MICAL3: variants seen among roughly 807,000 people sequenced by gnomAD.
The protein encoded by MICAL3 is microtubule associated monooxygenase, calponin and LIM domain containing 3.
A neutral mutation model predicts 207.4 loss-of-function variants in MICAL3; 62 were observed. The observed-to-expected ratio is 0.30, with a 90% confidence interval of 0.24 to 0.37. MICAL3 has a LOEUF of 0.37. MICAL3 is among the 10% of genes least tolerant of loss of function. The pLI is 1.00. For missense variants in MICAL3, 2,368 were observed against 2,635.6 expected, an observed-to-expected ratio of 0.90 and a Z score of 2.22; for synonymous variants, 1,077 against 1,069.3, an observed-to-expected ratio of 1.01 and a Z score of -0.14.
intron 1 of MICAL3, among the ~76,000 whole-genome samples, chr22:17,908,890 A>G (rs976886904): frequency 6.6e-6 from 1 of 152,186 alleles, no homozygotes; most frequent in South Asian, 2.1e-4. Context: ...GAAGACAGGC[A>G]CCATGTTCCA....
intron 29 of MICAL3, among the ~76,000 whole-genome samples, chr22:17,799,037 G>C (rs1483102740): frequency 1.3e-5 from 2 of 152,130 alleles, no homozygotes; most frequent in African/African-American, 2.4e-5. Flanking sequence ...CCTTTTCCTG[G>C]GAAACACAAG....
rs1423684484 is a variant in MICAL3, at chr22:17,821,476, G to T, written c.3482C>A (p.Pro1161His). Reference protein sequence around the residue: ...PSQATSPIRSPQESALLFIPV... With the variant: ...PSQATSPIRSHQESALLFIPV... ...AATGAACAGAAGAGCTGATTCCTGG[G>T]GAGACCGGATGGGGCTGGTGGCTTG... Residue 1161 changes from proline (P) to histidine (H), a missense_variant, in exon 25 of 32, where the codon CCC becomes CAC. By Grantham distance (77) the Pro-to-His change is moderately conservative. This residue lies in a region of MICAL3 where 1,770 missense variants were observed against 1,863.2 expected (regional missense o/e 0.95). Transcript: ENST00000441493. The T allele has an allele frequency of 1.3e-6, 2 of 1,544,528 alleles. No individual in the cohort carries two copies. The highest frequency in any genetic ancestry group is 2.4e-5 in the South Asian group (2 of 82,748).
chr22:17,896,399 C>G, intron 8 of MICAL3, 38 bp from the exon 9 acceptor site: 1 of 1,193,334 alleles, frequency 8.4e-7, no homozygotes, highest in East Asian at 2.6e-5. Flanking sequence ...TAAAATATAA[C>G]ACACCTTTCA....
intron 11 of MICAL3, among the ~76,000 whole-genome samples, chr22:17,893,019 A>G (rs534918879): frequency 6.6e-6 from 1 of 152,330 alleles, no homozygotes; most frequent in East Asian, 1.9e-4. Flanking sequence ...AATGTGAGGT[A>G]GACACTGCTG....
intron 1 of MICAL3, among the ~76,000 whole-genome samples, chr22:18,006,943 ATCT>A (rs763138907): frequency 1.3e-5 from 2 of 152,156 alleles, no homozygotes; most frequent in African/African-American, 2.4e-5. Context: ...AGCAACCATC[ATCT>A]TCTGGGTTCA....
At chr22:18,012,703 C>T (rs897821728) in intron 1 of MICAL3, among the ~76,000 whole-genome samples, 4 of 152,190 alleles carry the variant, frequency 2.6e-5, no homozygotes, top group Non-Finnish European at 4.4e-5. Flanking sequence ...GACACGCCTA[C>T]GAAGAATGCT....
At chr22:18,015,650 G>C (rs555083623) in intron 1 of MICAL3, among the ~76,000 whole-genome samples, 100 of 152,130 alleles carry the variant, frequency 6.6e-4, no homozygotes, top group African/African-American at 2.4e-3. Context: ...GACCTCAGGT[G>C]ATCTGCCTGT....
At chr22:17,869,583 C>T (rs75296950) in intron 17 of MICAL3, among the ~76,000 whole-genome samples, 2,042 of 152,298 alleles carry the variant, frequency 0.013, 49 homozygotes, top group African/African-American at 0.044. Flanking sequence ...GAGCAGACGG[C>T]ATCCTCCAGA....
chr22:17,929,636 C>T (rs1169892089), intron 1 of MICAL3, among the ~76,000 whole-genome samples: 2 of 130,696 alleles, frequency 1.5e-5, no homozygotes, highest in African/African-American at 5.9e-5. Context: ...GGCGCTATCT[C>T]GGCTCACTGC....
chr22:18,012,099 G>A (rs1334093167), intron 1 of MICAL3, among the ~76,000 whole-genome samples: 1 of 152,066 alleles, frequency 6.6e-6, no homozygotes, highest in Non-Finnish European at 1.5e-5. Flanking sequence ...GCCAGGTATG[G>A]TGGCGGGAGC....
chr22:17,876,761 GGTT>G (rs1928434565), intron 16 of MICAL3: 1 of 145,792 alleles, frequency 6.9e-6, no homozygotes, highest in African/African-American at 2.7e-5. Context: ...AGGTTAAGGA[GGTT>G]AGGGAAGTTA....
chr22:17,845,033 T>C (rs1472520569), intron 19 of MICAL3, among the ~76,000 whole-genome samples: 2 of 152,182 alleles, frequency 1.3e-5, no homozygotes, highest in Admixed American at 1.3e-4. Flanking sequence ...GGATACACTG[T>C]CTGTGGCGCC....
At chr22:17,896,687 G>C (rs3816286) in intron 8 of MICAL3, 37 bp downstream of exon 8, 103,830 of 1,598,040 alleles carry the variant, frequency 0.065, 3,856 homozygotes, top group South Asian at 0.11. Flanking sequence ...AATTATTCCT[G>C]CCCCTACCAC....
intron 1 of MICAL3, among the ~76,000 whole-genome samples, chr22:17,945,238 C>T (rs1432216133): frequency 6.6e-6 from 1 of 152,136 alleles, no homozygotes; most frequent in East Asian, 1.9e-4. Context: ...ATTTCTTTCC[C>T]CATTTCAGCC....
intron 19 of MICAL3, among the ~76,000 whole-genome samples, chr22:17,846,603 G>T (rs565551175): frequency 6.6e-6 from 1 of 152,292 alleles, no homozygotes; most frequent in East Asian, 1.9e-4. Context: ...GAGAGAGCAG[G>T]AGTGCAGATG....
intron 19 of MICAL3, chr22:17,863,563 A>T: frequency 4.1e-6 from 4 of 985,494 alleles, no homozygotes; most frequent in Non-Finnish European, 4.8e-6. Context: ...TGGTTGAAAC[A>T]TGGCTATAAA....
At chr22:18,000,171 A>C (rs1922774472) in intron 1 of MICAL3, among the ~76,000 whole-genome samples, 1 of 151,794 alleles carries the variant, frequency 6.6e-6, no homozygotes, top group South Asian at 2.1e-4. Context: ...GTCAGATGGG[A>C]CCAAATACAC....
chr22:17,893,680 G>T (rs1930580208), intron 11 of MICAL3, 128 bp downstream of exon 11: 2 of 678,362 alleles, frequency 2.9e-6, no homozygotes, highest in Non-Finnish European at 5.1e-6. Context: ...AATCACCCTG[G>T]GTTGAGAGCC....
intron 27 of MICAL3, among the ~76,000 whole-genome samples, chr22:17,811,677 A>G (rs1298231773): frequency 1.3e-5 from 2 of 152,242 alleles, no homozygotes; most frequent in Non-Finnish European, 2.9e-5. Context: ...CAAGAGGGGC[A>G]AAGATTGGGG....
Sources: allele counts gnomAD v4.1 joint callset (sites outside exome capture counted in the v4.1 genomes callset), GRCh38; gene constraint gnomAD v4.1.1; regional missense constraint gnomAD v4.1.1; transcripts MANE v1.5; gene names NCBI Gene and HGNC (gene_info 2026-07-23, HGNC 2026-07-21).